Variants in LRRTM4 observed in about 807,000 individuals in gnomAD.
LRRTM4 encodes the protein leucine-rich repeat transmembrane neuronal protein 4.
In LRRTM4, 25 loss-of-function variants were observed where a neutral mutation model predicts 47.6. The observed-to-expected ratio is 0.53, with a 90% CI of 0.38 to 0.73. The LOEUF is 0.73. LRRTM4 is among the 30% of genes least tolerant of loss of function. The pLI, the probability that LRRTM4 is intolerant of heterozygous loss-of-function variation, is 0.00. For synonymous variants in LRRTM4, 311 were observed against 269.5 expected, an observed-to-expected ratio of 1.15 and a Z score of -1.51; for missense variants, 638 against 713.4, an observed-to-expected ratio of 0.89 and a Z score of 1.20.
At chr2:76,984,682 C>G (rs1207206630) in intron 3 of LRRTM4, among the ~76,000 whole-genome samples, 1 of 151,934 alleles carries the variant, frequency 6.6e-6, no homozygotes, top group East Asian at 1.9e-4. Context: ...ACAACAGAAG[C>G]CTGAAACACT....
chr2:76,799,898 A>T (rs1675566341), intron 3 of LRRTM4, among the ~76,000 whole-genome samples: 1 of 150,492 alleles, frequency 6.6e-6, no homozygotes, highest in Non-Finnish European at 1.5e-5. Flanking sequence ...CTTACAAGGG[A>T]TGAGAAGGAC....
At chr2:76,873,573 T>G (rs953756376) in intron 3 of LRRTM4, among the ~76,000 whole-genome samples, 1 of 145,892 alleles carries the variant, frequency 6.9e-6, no homozygotes, top group African/African-American at 2.6e-5. Context: ...AAAGATATGC[T>G]AGATCCTCTG....
chr2:76,938,309 A>G (rs1318448831), intron 3 of LRRTM4, among the ~76,000 whole-genome samples: 1 of 152,186 alleles, frequency 6.6e-6, no homozygotes, highest in Non-Finnish European at 1.5e-5. Flanking sequence ...CATCTGGCTA[A>G]TAGTATCATT....
chr2:77,249,496 A>C (rs1233699697), intron 3 of LRRTM4, among the ~76,000 whole-genome samples: 1 of 151,298 alleles, frequency 6.6e-6, no homozygotes, highest in African/African-American at 2.4e-5. Flanking sequence ...TATTAAAAAA[A>C]AAACTCTTAG....
intron 3 of LRRTM4, among the ~76,000 whole-genome samples, chr2:77,069,300 C>T (rs1680068459): frequency 6.6e-6 from 1 of 151,822 alleles, no homozygotes; most frequent in Non-Finnish European, 1.5e-5. Context: ...TATAATAATA[C>T]TATTAACATA....
intron 3 of LRRTM4, among the ~76,000 whole-genome samples, chr2:77,047,904 AG>A (rs1397290282): frequency 6.6e-6 from 1 of 152,082 alleles, no homozygotes; most frequent in Non-Finnish European, 1.5e-5. Flanking sequence ...TTTGGGGTTG[AG>A]GTCCAGGCTG....
chr2:77,019,543 G>A (rs937428348), intron 3 of LRRTM4, among the ~76,000 whole-genome samples: 14 of 151,946 alleles, frequency 9.2e-5, no homozygotes, highest in African/African-American at 3.1e-4. Context: ...GATACAATGA[G>A]GAAATAAATT....
intron 3 of LRRTM4, among the ~76,000 whole-genome samples, chr2:77,504,718 C>T (rs556228883): frequency 6.6e-6 from 1 of 151,304 alleles, no homozygotes; most frequent in Non-Finnish European, 1.5e-5. Flanking sequence ...AGCTGACATC[C>T]CTTATTTATA....
chr2:77,111,477 G>A (rs1045359383), intron 3 of LRRTM4, among the ~76,000 whole-genome samples: 2 of 151,794 alleles, frequency 1.3e-5, no homozygotes, highest in African/African-American at 4.8e-5. Context: ...AGTTACCCAG[G>A]TCAACCAAAG....
chr2:76,932,243 C>A (rs1674794233), intron 3 of LRRTM4, among the ~76,000 whole-genome samples: 1 of 152,010 alleles, frequency 6.6e-6, no homozygotes, highest in Non-Finnish European at 1.5e-5. Context: ...AGTTTAGTTA[C>A]TAGGGAGGGG....
chr2:76,814,076 G>A (rs897775217), intron 3 of LRRTM4, among the ~76,000 whole-genome samples: 1 of 151,880 alleles, frequency 6.6e-6, no homozygotes, highest in Non-Finnish European at 1.5e-5. Flanking sequence ...GAGGAGTCCT[G>A]GTCAAGTATT....
At chr2:76,953,853 T>C (rs376919180) in intron 3 of LRRTM4, among the ~76,000 whole-genome samples, 2 of 152,046 alleles carry the variant, frequency 1.3e-5, no homozygotes, top group South Asian at 4.2e-4. Context: ...TGGCATAATT[T>C]GTATGCTTGA....
chr2:77,204,462 A>T (rs952500922), intron 3 of LRRTM4, among the ~76,000 whole-genome samples: 1 of 151,954 alleles, frequency 6.6e-6, no homozygotes, highest in Non-Finnish European at 1.5e-5. Flanking sequence ...AAATAGAATG[A>T]AGCATTTTAA....
chr2:77,321,139 G>T (rs534707718), intron 3 of LRRTM4, among the ~76,000 whole-genome samples: 1 of 152,172 alleles, frequency 6.6e-6, no homozygotes, highest in South Asian at 2.1e-4. Context: ...CCATCTGGTG[G>T]TTACTAGAAA....
chr2:76,914,017 A>C (rs1328757765), intron 3 of LRRTM4, among the ~76,000 whole-genome samples: 1 of 151,734 alleles, frequency 6.6e-6, no homozygotes, highest in African/African-American at 2.4e-5. Context: ...AAAGATATAA[A>C]ATTTAAAAGT....
At chr2:77,090,891 C>T (rs189497676) in intron 3 of LRRTM4, among the ~76,000 whole-genome samples, 4,414 of 152,154 alleles carry the variant, frequency 0.029, 201 homozygotes, top group African/African-American at 0.1. Flanking sequence ...TCACGGACGC[C>T]GAGCTTCAGG....
At chr2:76,910,781 T>C (rs1444657164) in intron 3 of LRRTM4, among the ~76,000 whole-genome samples, 1 of 152,222 alleles carries the variant, frequency 6.6e-6, no homozygotes, top group Non-Finnish European at 1.5e-5. Flanking sequence ...CTCATATCAC[T>C]TTCTCTTCCA....
intron 3 of LRRTM4, among the ~76,000 whole-genome samples, chr2:77,062,362 A>C (rs1048606946): frequency 6.6e-6 from 1 of 152,214 alleles, no homozygotes; most frequent in Non-Finnish European, 1.5e-5. Context: ...AAAATGTTAG[A>C]GTCCTACATA....
chr2:77,064,826 T>C (rs1679902370), intron 3 of LRRTM4, among the ~76,000 whole-genome samples: 3 of 152,164 alleles, frequency 2.0e-5, no homozygotes, highest in Non-Finnish European at 4.4e-5. Context: ...CGTGCTTTTT[T>C]CGTACCCTGC....
Sources: gnomAD v4.1 joint callset for allele counts (sites outside exome capture counted in the v4.1 genomes callset) on GRCh38, gnomAD v4.1.1 for gene constraint, MANE v1.5 for transcripts, NCBI Gene and HGNC (gene_info 2026-07-23, HGNC 2026-07-21) for gene names.